AGBL4: variants seen among roughly 807,000 people sequenced by gnomAD.
AGBL4 encodes the protein AGBL carboxypeptidase 4, also known as cytosolic carboxypeptidase 6.
AGBL4 carries 58 observed loss-of-function variants against 66.4 expected under a neutral mutation model. The ratio of observed to expected loss-of-function variants is 0.87; its 90% CI spans 0.71 to 1.09. The LOEUF (loss-of-function observed/expected upper bound fraction) is 1.09. Ranked by LOEUF, AGBL4 falls within the 50% of genes least tolerant of loss-of-function variation. The probability of loss-of-function intolerance (pLI) is 0.00; values close to 1 mark genes in which losing one functional copy is unlikely to be tolerated. For missense variants in AGBL4, 579 were observed against 631.0 expected (o/e 0.92, Z 0.88); for synonymous variants, 234 against 222.9 (o/e 1.05, Z -0.44).
intron 4 of AGBL4, among the ~76,000 whole-genome samples, chr1:49,220,026 C>G (rs929366674): frequency 9.2e-5 from 14 of 151,902 alleles, no homozygotes; most frequent in African/African-American, 3.4e-4. Flanking sequence ...AAGTATCTGG[C>G]CCACAGATAG....
At chr1:49,330,871 G>A (rs1260695511) in intron 3 of AGBL4, among the ~76,000 whole-genome samples, 1 of 152,124 alleles carries the variant, frequency 6.6e-6, no homozygotes, top group Non-Finnish European at 1.5e-5. Context: ...AAATATCCTG[G>A]TACTCGAATT....
At chr1:49,983,613 T>C (rs1572009501) in intron 1 of AGBL4, among the ~76,000 whole-genome samples, 1 of 152,192 alleles carries the variant, frequency 6.6e-6, no homozygotes, top group Admixed American at 6.5e-5. Context: ...GCTACAGAGG[T>C]TTCCAGCTGG....
At chr1:49,337,532 C>A (rs1184683013) in intron 3 of AGBL4, among the ~76,000 whole-genome samples, 7 of 152,126 alleles carry the variant, frequency 4.6e-5, no homozygotes, top group South Asian at 2.1e-4. Flanking sequence ...CACTTTGGGG[C>A]AGGACACAGA....
At chr1:49,929,872 ACT>A (rs929046926) in intron 1 of AGBL4, among the ~76,000 whole-genome samples, 7 of 152,098 alleles carry the variant, frequency 4.6e-5, no homozygotes, top group Non-Finnish European at 1.0e-4. Flanking sequence ...GAATTATAAT[ACT>A]CTCAGTTCCA....
In AGBL4 at chr1:49,697,399, A is replaced by T. The variant is rs1647007541; in HGVS notation, c.196T>A (p.Tyr66Asn). 6.5e-7 allele frequency: 1 copy of T among 1,537,944 alleles called. No individual in the cohort carries two copies. The highest frequency in any genetic ancestry group is 2.0e-5 in the Admixed American group (1 of 50,838). ...GTGTCCGGCCTAATGAACAGATCAT[A>T]CTCAAACTCAGAGACCTGGTCCACC... ...GRVDQVSEFE[Y>N]DLFIRPDTCN... Residue 66 changes from tyrosine to asparagine, a missense_variant, in exon 3 of 14, where the codon TAT (tyrosine) becomes AAT (asparagine). Physicochemically the swap from Tyr to Asn is moderately radical, Grantham distance 143 (BLOSUM62 -2). Coordinates refer to ENST00000371839, the MANE Select transcript of AGBL4 (RefSeq NM_032785.4).
intron 1 of AGBL4, among the ~76,000 whole-genome samples, chr1:49,988,467 C>G (rs1204757940): frequency 6.6e-6 from 1 of 152,104 alleles, no homozygotes; most frequent in African/African-American, 2.4e-5. Flanking sequence ...TGCTAGAGTG[C>G]ACATTTTCCC....
At chr1:49,648,606 A>G (rs982628560) in intron 3 of AGBL4, among the ~76,000 whole-genome samples, 10 of 152,096 alleles carry the variant, frequency 6.6e-5, no homozygotes, top group East Asian at 1.9e-4. Flanking sequence ...GAAAAATCCA[A>G]AAAGAATACA....
chr1:48,705,271 AGAG>A lies in AGBL4; in HGVS notation c.635-42033_635-42031del, dbSNP rs141655490. ...ATTAAGAGCAAAAAATGTATAAAAA[AGAG>A]AAAGTATACAATTGGGTGACAAAGT... On this transcript the variant is annotated intron_variant, in intron 6 of 13. Transcript: ENST00000371839. 8.2e-3 allele frequency among the ~76,000 whole-genome samples: 1,243 copies of A among 152,370 alleles called. 19 individuals carry two copies. Among genetic ancestry groups the A allele is most frequent in the African/African-American group, 0.029 (1,194 of 41,576 alleles).
rs185401377 is a variant in AGBL4, at chr1:49,847,261, A to G, written c.157+4135T>C. Among the ~76,000 whole-genome samples, 146 of 152,332 alleles carry G rather than the reference A, an allele frequency of 9.6e-4. 1 individual carries two copies. Among genetic ancestry groups the G allele is most frequent in the Non-Finnish European group, 1.7e-3 (118 of 68,028 alleles). ...TCTTGGCATACACAAAAATCAACTC[A>G]AGATGGATTAAAGACTTAAATGTAA... On this transcript the variant is annotated intron_variant, in intron 2 of 13. Transcript: ENST00000371839.
rs563313913 is a variant in AGBL4 at position 49,494,391 on chromosome 1, C to T, written c.282+202922G>A. ...CTGCACCCACTAACTCGTCATCTAGCATTAGGTATATCTCCCAATGCTATC... is the reference window on the plus strand; with the variant it reads ...CTGCACCCACTAACTCGTCATCTAGTATTAGGTATATCTCCCAATGCTATC... On this transcript the variant is annotated intron_variant, in intron 3 of 13. Coordinates refer to ENST00000371839, the MANE Select transcript of AGBL4 (RefSeq NM_032785.4). 3.1e-4 allele frequency among the ~76,000 whole-genome samples: 47 copies of T among 152,024 alleles called. 1 individual carries two copies. The highest frequency in any genetic ancestry group is 1.1e-3 in the African/African-American group (45 of 41,512).
chr1:48,631,029 G>A (rs749078748), intron 9 of AGBL4, among the ~76,000 whole-genome samples: 5 of 152,122 alleles, frequency 3.3e-5, no homozygotes, highest in Non-Finnish European at 7.3e-5. Flanking sequence ...CTGTGAACTC[G>A]GCACCCAGCA....
chr1:49,250,462 T>TG, intron 3 of AGBL4, among the ~76,000 whole-genome samples: 1 of 148,710 alleles, frequency 6.7e-6, no homozygotes, highest in South Asian at 2.1e-4. Context: ...TTTTTTTTTT[T>TG]GAGACAGAAT....
At chr1:48,828,040 AC>A in intron 6 of AGBL4, among the ~76,000 whole-genome samples, 1 of 146,996 alleles carries the variant, frequency 6.8e-6, no homozygotes, top group Non-Finnish European at 1.5e-5. Context: ...ACACACACAC[AC>A]ACAAATTAGC....
intron 1 of AGBL4, among the ~76,000 whole-genome samples, chr1:49,877,351 G>C (rs1395637087): frequency 3.3e-5 from 5 of 151,942 alleles, no homozygotes; most frequent in Non-Finnish European, 5.9e-5. Context: ...CTAATTTATT[G>C]AGAGTTTTTA....
chr1:49,619,858 C>A (rs572099668), intron 3 of AGBL4, among the ~76,000 whole-genome samples: 20 of 152,264 alleles, frequency 1.3e-4, no homozygotes, highest in Admixed American at 8.5e-4. Context: ...CTGACAAAAA[C>A]AAGCAATGGG....
intron 11 of AGBL4, among the ~76,000 whole-genome samples, chr1:48,559,029 C>G (rs893404228): frequency 4.6e-5 from 7 of 152,142 alleles, no homozygotes; most frequent in Non-Finnish European, 8.8e-5. Context: ...CTGACCAGAA[C>G]AGGGGCAGAT....
intron 3 of AGBL4, among the ~76,000 whole-genome samples, chr1:49,289,118 T>A (rs1189063053): frequency 1.3e-5 from 2 of 152,030 alleles, no homozygotes; most frequent in East Asian, 3.9e-4. Flanking sequence ...AAAACAATTA[T>A]AATGAATATT....
intron 4 of AGBL4, among the ~76,000 whole-genome samples, chr1:49,142,071 A>G (rs1471851465): frequency 2.0e-5 from 3 of 152,120 alleles, no homozygotes; most frequent in Admixed American, 2.0e-4. Context: ...AGATTCTCAT[A>G]GGAGTGAGAA....
intron 4 of AGBL4, among the ~76,000 whole-genome samples, chr1:49,207,506 T>TTTC (rs1491250487): frequency 4.3e-4 from 64 of 149,552 alleles, no homozygotes; most frequent in African/African-American, 1.4e-3. Context: ...TCTTTCTTTC[T>TTTC]TTTTCTTTCT....
Sources: gnomAD v4.1 joint callset for allele counts (sites outside exome capture counted in the v4.1 genomes callset) on GRCh38, gnomAD v4.1.1 for gene constraint, MANE v1.5 for transcripts, NCBI Gene and HGNC (gene_info 2026-07-23, HGNC 2026-07-21) for gene names.